LAMTOR3: variants seen among roughly 807,000 people sequenced by gnomAD.
LAMTOR3 encodes the protein late endosomal/lysosomal adaptor, MAPK and MTOR activator 3.
LAMTOR3 carries 14 observed loss-of-function variants against 20.3 expected under a neutral mutation model. The observed-to-expected ratio is 0.69, with a 90% CI of 0.46 to 1.08. The LOEUF (loss-of-function observed/expected upper bound fraction) is 1.08, where lower values mean the gene tolerates loss of function less well. Ranked by LOEUF, LAMTOR3 falls within the 50% of genes least tolerant of loss-of-function variation. The pLI is 0.00. For synonymous variants in LAMTOR3, 40 were observed against 49.4 expected (o/e 0.81, Z 0.80); for missense variants, 125 against 143.7 (o/e 0.87, Z 0.67).
chr4:99,880,245 C>G lies in LAMTOR3; in HGVS notation c.*1749G>C, dbSNP rs1425797522. 6.6e-6 allele frequency: 1 copy of G among 152,032 alleles called. No individual in the cohort carries two copies. Among genetic ancestry groups the G allele is most frequent in the African/African-American group, 2.4e-5 (1 of 41,348 alleles). 9.4% of individuals were successfully genotyped at this position (152,032 alleles called of 1,614,324 possible). A position where few individuals can be genotyped will look rare whatever the true frequency, so the allele number is the denominator to read the frequency against. On this transcript the variant is annotated 3_prime_UTR_variant, in exon 7 of 7. Transcript: ENST00000499666. The stretch of plus-strand genomic sequence containing the variant: ...CTCTAAGTTCTTTAAAGTAAGGTAT[C>G]ACAAATTAATCTCATATTTACACTG...
intron 3 of LAMTOR3, 56 bp downstream of exon 3, chr4:99,891,944 T>TA (rs1725029944): frequency 6.5e-7 from 1 of 1,534,646 alleles, no homozygotes; most frequent in Non-Finnish European, 8.7e-7. Context: ...AAATGCTTCA[T>TA]AAAATTAACA....
intron 3 of LAMTOR3, 74 bp downstream of exon 3, chr4:99,891,926 T>C: frequency 5.3e-6 from 8 of 1,521,136 alleles, no homozygotes; most frequent in Non-Finnish European, 6.1e-6. Context: ...ACATGGAAAA[T>C]ACAGACAAAA....
At chr4:99,888,812 A>G (rs542175631) in intron 3 of LAMTOR3, among the ~76,000 whole-genome samples, 4 of 152,248 alleles carry the variant, frequency 2.6e-5, no homozygotes, top group Non-Finnish European at 5.9e-5. Context: ...AAATAACTTT[A>G]TAAATGACTT....
chr4:99,885,755 T>A, intron 4 of LAMTOR3, 80 bp from the exon 5 acceptor site: 1 of 1,213,226 alleles, frequency 8.2e-7, no homozygotes, highest in Non-Finnish European at 1.2e-6. Context: ...TTCATAAACC[T>A]CTTTTTAAAA....
intron 3 of LAMTOR3, among the ~76,000 whole-genome samples, chr4:99,889,356 C>A (rs1468149737): frequency 6.6e-6 from 1 of 152,066 alleles, no homozygotes; most frequent in Non-Finnish European, 1.5e-5. Flanking sequence ...CATTACAAAT[C>A]CAACTGTCCA....
intron 5 of LAMTOR3, among the ~76,000 whole-genome samples, chr4:99,884,590 A>G (rs1463554774): frequency 6.6e-6 from 1 of 152,222 alleles, no homozygotes; most frequent in African/African-American, 2.4e-5. Context: ...CTTAGTTTAA[A>G]CCTAATCCTT....
rs1056196012 is a variant in LAMTOR3 at position 99,878,397 on chromosome 4, G to A, written c.*3597C>T. On this transcript the variant is annotated 3_prime_UTR_variant, in exon 7 of 7. Transcript: ENST00000499666. The stretch of plus-strand genomic sequence containing the variant: ...CCCCAAATATCCCATTTTATTGTTT[G>A]TTGAAATATTTTATTTCTAATTTTA... 1 of 152,120 alleles carries A rather than the reference G, an allele frequency of 6.6e-6. No individual in the cohort carries two copies. Among genetic ancestry groups the A allele is most frequent in the African/African-American group, 2.4e-5 (1 of 41,422 alleles). 9.4% of individuals were successfully genotyped at this position (152,120 alleles called of 1,614,324 possible).
intron 3 of LAMTOR3, among the ~76,000 whole-genome samples, chr4:99,889,961 A>C (rs1231789405): frequency 6.6e-6 from 1 of 152,220 alleles, no homozygotes; most frequent in Non-Finnish European, 1.5e-5. Context: ...TTACACTCTT[A>C]AGTATATAAT....
At chr4:99,887,647 T>C (rs545252453) in intron 3 of LAMTOR3, among the ~76,000 whole-genome samples, 1 of 152,314 alleles carries the variant, frequency 6.6e-6, no homozygotes, top group Non-Finnish European at 1.5e-5. Context: ...CACAAAAGCA[T>C]GAAAGATTAT....
At chr4:99,892,508 TGTC>T (rs145412387) in intron 2 of LAMTOR3, among the ~76,000 whole-genome samples, 551 of 152,324 alleles carry the variant, frequency 3.6e-3, no homozygotes, top group Non-Finnish European at 5.3e-3. Flanking sequence ...GTAAGACTGT[TGTC>T]TCACGTGACT....
intron 3 of LAMTOR3, among the ~76,000 whole-genome samples, chr4:99,889,625 T>C (rs78477290): frequency 0.011 from 1,733 of 152,288 alleles, 39 homozygotes; most frequent in African/African-American, 0.039. Context: ...ATAAAATATC[T>C]CTGTAGGTAA....
At chr4:99,887,526 T>C (rs1578203340) in intron 3 of LAMTOR3, among the ~76,000 whole-genome samples, 172 bp from the exon 4 acceptor site, 2 of 151,306 alleles carry the variant, frequency 1.3e-5, no homozygotes, top group Admixed American at 1.3e-4. Flanking sequence ...TGAATCAATG[T>C]GTATTATAGA....
intron 1 of LAMTOR3, 67 bp from the exon 2 acceptor site, chr4:99,894,067 T>C: frequency 9.6e-7 from 1 of 1,044,432 alleles, no homozygotes; most frequent in East Asian, 2.8e-5. Flanking sequence ...CACAACTTAA[T>C]ACGCGAGATC....
chr4:99,886,543 C>A (rs1484345690), intron 4 of LAMTOR3, among the ~76,000 whole-genome samples: 4 of 152,188 alleles, frequency 2.6e-5, no homozygotes, highest in African/African-American at 9.6e-5. Context: ...ATAGCTAACT[C>A]TCCATTAAAA....
intron 2 of LAMTOR3, among the ~76,000 whole-genome samples, 163 bp downstream of exon 2, chr4:99,893,792 A>G (rs1441394810): frequency 6.6e-6 from 1 of 152,106 alleles, no homozygotes; most frequent in African/African-American, 2.4e-5. Context: ...ATTCATTCAT[A>G]TTAGTCTCCC....
rs927542209 is a variant in LAMTOR3, at chr4:99,878,611, T to C, written c.*3383A>G. On this transcript the variant is annotated 3_prime_UTR_variant, in exon 7 of 7. Coordinates refer to ENST00000499666, the MANE Select transcript of LAMTOR3 (RefSeq NM_021970.4). The stretch of plus-strand genomic sequence containing the variant: ...CAAATAGGAATACATACACATTTTT[T>C]CTTCTTATACATCAATTGTAGCATG... 3.3e-5 allele frequency: 5 copies of C among 152,218 alleles called. No individual in the cohort carries two copies. The highest frequency in any genetic ancestry group is 5.9e-5 in the Non-Finnish European group (4 of 68,042). 9.4% of individuals were successfully genotyped at this position (152,218 alleles called of 1,614,324 possible). A position where few individuals can be genotyped will look rare whatever the true frequency, so the allele number is the denominator to read the frequency against.
intron 3 of LAMTOR3, among the ~76,000 whole-genome samples, chr4:99,889,070 T>C (rs1290655138): frequency 2.0e-5 from 3 of 152,062 alleles, no homozygotes; most frequent in Non-Finnish European, 4.4e-5. Context: ...CTGGGTGTGG[T>C]GGTGCTTGTC....
Position 99,885,627 on chromosome 4 carries a change from G to C in LAMTOR3, c.152C>G (p.Ser51Cys). 6.2e-7 allele frequency: 1 copy of C among 1,613,430 alleles called. No homozygotes were observed. The highest frequency in any genetic ancestry group is 1.3e-5 in the African/African-American group (1 of 74,990). ...PEHALRPGFL[S>C]TFALATDQGS... ...TTGGTCTGTTGCAAGGGCAAAAGTG[G>C]ATAAGAAACCAGGTCGCAAAGCATG... Residue 51 changes from serine (S) to cysteine (C), a missense_variant, in exon 5 of 7, where the codon TCC becomes TGC. Coordinates refer to ENST00000499666, the MANE Select transcript of LAMTOR3 (RefSeq NM_021970.4).
Position 99,881,839 on chromosome 4 carries a change from T to C in LAMTOR3, c.*155A>G. The C allele has an allele frequency of 1.6e-6, 1 of 615,360 alleles. No individual in the cohort carries two copies. Among genetic ancestry groups the C allele is most frequent in the Non-Finnish European group, 2.9e-6 (1 of 346,654 alleles). The allele number at this position is 615,360 out of a possible 1,614,324, so 38.1% of individuals were successfully genotyped here. Reference sequence around the variant, plus strand: ...GAAAATATAGCAACTGATCTATCTATAAATTACATCTATATGCTAGCTCTT... The same window carrying C: ...GAAAATATAGCAACTGATCTATCTACAAATTACATCTATATGCTAGCTCTT... On this transcript the variant is annotated 3_prime_UTR_variant, in exon 7 of 7. Coordinates refer to ENST00000499666, the MANE Select transcript of LAMTOR3 (RefSeq NM_021970.4).
Sources: allele counts gnomAD v4.1 joint callset (sites outside exome capture counted in the v4.1 genomes callset), GRCh38; gene constraint gnomAD v4.1.1; transcripts MANE v1.5; gene names NCBI Gene and HGNC (gene_info 2026-07-23, HGNC 2026-07-21).